XKR4: variants seen among roughly 807,000 people sequenced by gnomAD.
XKR4 encodes XK related 4, also known as XK-related protein 4.
A neutral mutation model predicts 53.9 loss-of-function variants in XKR4; 12 were observed. The observed-to-expected ratio is 0.22, with a 90% CI of 0.14 to 0.36. The LOEUF is 0.36. Among genes scored for constraint, XKR4 ranks in the 10% least tolerant of loss-of-function variants. XKR4 has a pLI of 1.00. For synonymous variants in XKR4, 354 were observed against 362.4 expected, an observed-to-expected ratio of 0.98 and a Z score of 0.26; for missense variants, 799 against 859.5, an observed-to-expected ratio of 0.93 and a Z score of 0.88.
At chr8:55,444,721 G>A (rs1033521400) in intron 2 of XKR4, among the ~76,000 whole-genome samples, 1 of 152,154 alleles carries the variant, frequency 6.6e-6, no homozygotes, top group East Asian at 1.9e-4. Context: ...TACTGCTAAT[G>A]GGAATGTATG....
chr8:55,450,783 G>C, intron 2 of XKR4: 1 of 537,884 alleles, frequency 1.9e-6, no homozygotes, highest in Admixed American at 2.5e-5. Context: ...AGGGGTCTGA[G>C]AACAGCTGCA....
intron 1 of XKR4, among the ~76,000 whole-genome samples, chr8:55,281,062 T>G (rs755449805): frequency 6.6e-6 from 1 of 152,184 alleles, no homozygotes; most frequent in Non-Finnish European, 1.5e-5. Context: ...TTCACAGTGG[T>G]TCAGGTTTCA....
At chr8:55,256,813 T>C (rs73606908) in intron 1 of XKR4, among the ~76,000 whole-genome samples, 35,962 of 152,136 alleles carry the variant, frequency 0.24, 4,715 homozygotes, top group East Asian at 0.49. Context: ...CACGCCTGGG[T>C]TGACATGGTG....
intron 2 of XKR4, among the ~76,000 whole-genome samples, chr8:55,370,127 A>G (rs1472200810): frequency 6.6e-6 from 1 of 152,242 alleles, no homozygotes; most frequent in African/African-American, 2.4e-5. Context: ...TTTCTTAAAA[A>G]TAAATAGCTA....
At chr8:55,267,610 T>C (rs1157268359) in intron 1 of XKR4, among the ~76,000 whole-genome samples, 4 of 71,538 alleles carry the variant, frequency 5.6e-5, no homozygotes, top group Non-Finnish European at 3.7e-5. Flanking sequence ...AGGCATTAAA[T>C]TGTAACCAAA....
chr8:55,245,596 A>G (rs1818274350), intron 1 of XKR4, among the ~76,000 whole-genome samples: 3 of 152,022 alleles, frequency 2.0e-5, no homozygotes, highest in Admixed American at 2.0e-4. Context: ...TAGTATCTCT[A>G]CTTGGATGTC....
chr8:55,104,760 T>G (rs1320985025), intron 1 of XKR4, among the ~76,000 whole-genome samples: 4 of 152,072 alleles, frequency 2.6e-5, no homozygotes, highest in African/African-American at 9.7e-5. Context: ...TTCATACATA[T>G]TTTGGACTCA....
intron 1 of XKR4, among the ~76,000 whole-genome samples, chr8:55,218,235 G>A (rs1028006191): frequency 1.3e-5 from 2 of 152,140 alleles, no homozygotes; most frequent in Admixed American, 1.3e-4. Context: ...ATTCACATCA[G>A]TATTATAAAA....
At chr8:55,454,453 G>A in intron 2 of XKR4, 1 of 1,184,554 alleles carries the variant, frequency 8.4e-7, no homozygotes, top group Non-Finnish European at 1.2e-6. Flanking sequence ...TCCGGGACAG[G>A]AAGAGAACCT....
intron 1 of XKR4, among the ~76,000 whole-genome samples, chr8:55,286,603 G>T (rs190622310): frequency 1.2e-4 from 18 of 152,290 alleles, no homozygotes; most frequent in African/African-American, 3.8e-4. Context: ...GGCTGTTGGA[G>T]GTCCCAGGGC....
At chr8:55,248,665 A>G (rs932599024) in intron 1 of XKR4, among the ~76,000 whole-genome samples, 5 of 152,226 alleles carry the variant, frequency 3.3e-5, no homozygotes, top group Non-Finnish European at 7.3e-5. Context: ...ATAGGGCCAC[A>G]TGAATGTAAA....
chr8:55,440,600 CAA>C, intron 2 of XKR4, among the ~76,000 whole-genome samples: 1 of 149,394 alleles, frequency 6.7e-6, no homozygotes, highest in African/African-American at 2.4e-5. Context: ...AAACTAGCAG[CAA>C]AAAAAAATGG....
In XKR4 at chr8:55,477,231, C is replaced by G. The variant is rs921598646; in HGVS notation, c.1007-46050C>G. ...CGAGGCAGCAGCATTTGCAGTTCAC[C>G]AAGATCCGCTGTCCTACAGCCACCA... On this transcript the variant is annotated intron_variant, in intron 2 of 2. Transcript: ENST00000327381. Among the ~76,000 whole-genome samples the G allele has an allele frequency of 4.6e-5, 7 of 152,206 alleles. No homozygotes were observed. In the East Asian group the frequency reaches 1.2e-3, roughly 25 times the overall value.
intron 2 of XKR4, among the ~76,000 whole-genome samples, chr8:55,466,867 G>A (rs1322027282): frequency 6.6e-6 from 1 of 152,016 alleles, no homozygotes; most frequent in African/African-American, 2.4e-5. Flanking sequence ...AATACCTCAG[G>A]ATAAATTCTC....
chr8:55,478,991 C>T (rs1806053834), intron 2 of XKR4, among the ~76,000 whole-genome samples: 5 of 152,168 alleles, frequency 3.3e-5, no homozygotes, highest in Admixed American at 3.3e-4. Flanking sequence ...GACAGATCAA[C>T]TAAACAGAAA....
intron 1 of XKR4, among the ~76,000 whole-genome samples, chr8:55,114,854 C>G (rs1406381363): frequency 6.6e-6 from 1 of 152,014 alleles, no homozygotes; most frequent in African/African-American, 2.4e-5. Flanking sequence ...AGTGTTAGCC[C>G]CTTTATTCAT....
intron 1 of XKR4, among the ~76,000 whole-genome samples, chr8:55,118,997 A>G (rs1479692620): frequency 1.3e-5 from 2 of 152,112 alleles, no homozygotes; most frequent in African/African-American, 2.4e-5. Context: ...ATGTAGTTAT[A>G]TAGGTTAGGA....
At chr8:55,521,501 C>T (rs535596549) in intron 2 of XKR4, among the ~76,000 whole-genome samples, 1 of 152,196 alleles carries the variant, frequency 6.6e-6, no homozygotes, top group Non-Finnish European at 1.5e-5. Flanking sequence ...GGTCTCTGAC[C>T]TATAAATAGC....
intron 1 of XKR4, among the ~76,000 whole-genome samples, chr8:55,332,736 G>A (rs1460072049): frequency 1.3e-5 from 2 of 151,856 alleles, no homozygotes; most frequent in African/African-American, 4.8e-5. Context: ...TCATTCAGCT[G>A]TTTGTATTTG....
Sources: allele counts gnomAD v4.1 joint callset (sites outside exome capture counted in the v4.1 genomes callset), GRCh38; gene constraint gnomAD v4.1.1; transcripts MANE v1.5; gene names NCBI Gene and HGNC (gene_info 2026-07-23, HGNC 2026-07-21).